The following TMTC2 variants were observed in gnomAD, a reference collection of about 807,000 sequenced individuals.
TMTC2 encodes the protein transmembrane O-mannosyltransferase targeting cadherins 2, also known as protein O-mannosyl-transferase TMTC2.
TMTC2 carries 43 observed loss-of-function variants against 82.4 expected under a neutral mutation model. That is an observed-to-expected ratio of 0.52 (90% confidence interval 0.41 to 0.67). The LOEUF is 0.67. Among genes scored for constraint, TMTC2 ranks in the 30% least tolerant of loss-of-function variants. The pLI is 0.00. For synonymous variants in TMTC2, 408 were observed against 381.9 expected (o/e 1.07, Z -0.80); for missense variants, 919 against 1,012.4 (o/e 0.91, Z 1.25).
intron 2 of TMTC2, among the ~76,000 whole-genome samples, chr12:82,883,432 T>G (rs928244324): frequency 7.9e-5 from 12 of 152,218 alleles, no homozygotes; most frequent in Admixed American, 3.9e-4. Context: ...GTGTCTTTTG[T>G]GTTTTCATAG....
At chr12:82,995,141 T>C (rs1879559708) in intron 8 of TMTC2, among the ~76,000 whole-genome samples, 1 of 152,186 alleles carries the variant, frequency 6.6e-6, no homozygotes, top group South Asian at 2.1e-4. Context: ...TTTTTTCTAA[T>C]AATATATCAA....
intron 2 of TMTC2, among the ~76,000 whole-genome samples, chr12:82,873,596 C>T (rs1488184127): frequency 1.3e-5 from 2 of 152,114 alleles, no homozygotes; most frequent in Non-Finnish European, 2.9e-5. Context: ...CCCTTGATTT[C>T]TGAGTAACAG....
At chr12:82,720,053 A>G (rs977714694) in intron 1 of TMTC2, among the ~76,000 whole-genome samples, 25 of 152,062 alleles carry the variant, frequency 1.6e-4, no homozygotes, top group African/African-American at 6.0e-4. Flanking sequence ...TCTTGGGAGG[A>G]GGAACAGGTT....
At chr12:82,816,892 A>C (rs7314083) in intron 1 of TMTC2, among the ~76,000 whole-genome samples, 2 of 152,180 alleles carry the variant, frequency 1.3e-5, no homozygotes, top group Non-Finnish European at 2.9e-5. Flanking sequence ...TTTAGGCTGA[A>C]TTGGTGAAAG....
At chr12:82,751,322 G>A (rs1258446407) in intron 1 of TMTC2, among the ~76,000 whole-genome samples, 3 of 151,484 alleles carry the variant, frequency 2.0e-5, no homozygotes, top group Non-Finnish European at 4.4e-5. Context: ...TCACTCATAG[G>A]TGGGAATTGA....
intron 7 of TMTC2, among the ~76,000 whole-genome samples, chr12:82,974,069 C>A (rs1204743766): frequency 1.3e-5 from 2 of 151,960 alleles, no homozygotes; most frequent in Non-Finnish European, 2.9e-5. Flanking sequence ...GTGTTCTGTT[C>A]AAAAAAATCT....
At chr12:82,735,564 C>G (rs1212693643) in intron 1 of TMTC2, among the ~76,000 whole-genome samples, 1 of 151,876 alleles carries the variant, frequency 6.6e-6, no homozygotes, top group Non-Finnish European at 1.5e-5. Flanking sequence ...CCAGGATGGT[C>G]TCGATCTCCT....
intron 1 of TMTC2, among the ~76,000 whole-genome samples, chr12:82,730,554 ACTG>A (rs1473541878): frequency 6.6e-6 from 1 of 152,224 alleles, no homozygotes; most frequent in African/African-American, 2.4e-5. Flanking sequence ...CTTTGTGACT[ACTG>A]AGCATTCTCT....
intron 8 of TMTC2, among the ~76,000 whole-genome samples, chr12:83,020,445 G>A (rs1364179888): frequency 6.6e-6 from 1 of 152,102 alleles, no homozygotes; most frequent in Non-Finnish European, 1.5e-5. Flanking sequence ...TATTTAAAAT[G>A]ATTTGCATAA....
intron 4 of TMTC2, among the ~76,000 whole-genome samples, chr12:82,930,941 C>G (rs1184229302): frequency 6.6e-6 from 1 of 152,106 alleles, no homozygotes; most frequent in South Asian, 2.1e-4. Flanking sequence ...CAGTATCTCA[C>G]TCTGCGGCCT....
intron 1 of TMTC2, among the ~76,000 whole-genome samples, chr12:82,735,807 A>G (rs1191939685): frequency 6.6e-6 from 1 of 151,966 alleles, no homozygotes; most frequent in Non-Finnish European, 1.5e-5. Flanking sequence ...TCTATTAAAA[A>G]TACAAAAAGT....
At chr12:83,023,696 T>C (rs892540) in intron 8 of TMTC2, among the ~76,000 whole-genome samples, 106,379 of 152,142 alleles carry the variant, frequency 0.7, 37,246 homozygotes, top group East Asian at 0.85. Context: ...TACCATGGAA[T>C]CATTCCTCCC....
intron 1 of TMTC2, among the ~76,000 whole-genome samples, chr12:82,699,477 T>C (rs1271802288): frequency 1.3e-5 from 2 of 152,184 alleles, no homozygotes; most frequent in African/African-American, 4.8e-5. Flanking sequence ...TACTGGGTAC[T>C]CATGGTCTCT....
chr12:83,032,248 G>C (rs1208961132), intron 9 of TMTC2, among the ~76,000 whole-genome samples: 1 of 129,322 alleles, frequency 7.7e-6, no homozygotes, highest in South Asian at 2.3e-4. Context: ...TAATATTATA[G>C]AGAATATTTT....
chr12:83,119,657 C>T (rs1481978865), intron 11 of TMTC2, among the ~76,000 whole-genome samples: 2 of 152,116 alleles, frequency 1.3e-5, no homozygotes, highest in African/African-American at 2.4e-5. Flanking sequence ...CTGTTAAGTC[C>T]ATTTCTTCCA....
At chr12:82,895,369 A>T (rs1180019799) in intron 2 of TMTC2, among the ~76,000 whole-genome samples, 2 of 152,146 alleles carry the variant, frequency 1.3e-5, no homozygotes, top group Non-Finnish European at 2.9e-5. Context: ...TTTTGACATG[A>T]CTACTTTTTG....
At chr12:82,754,732 A>T (rs1260903484) in intron 1 of TMTC2, among the ~76,000 whole-genome samples, 1 of 109,816 alleles carries the variant, frequency 9.1e-6, no homozygotes, top group Non-Finnish European at 2.0e-5. Flanking sequence ...GCAAGACTTC[A>T]TCTCAAAAAA....
rs569179348 is a variant in TMTC2, at chr12:82,726,682, C to A, written c.83+39013C>A. ...GATCACAAGGTCAAGAGATAGAGAC[C>A]ATCCTGGCTAACACGGTGAAACCCT... On this transcript the variant is annotated intron_variant, in intron 1 of 11. Transcript: ENST00000321196. Among the ~76,000 whole-genome samples the A allele has an allele frequency of 2.0e-5, 3 of 152,030 alleles. No homozygotes were observed. The South Asian group carries it at 6.2e-4, about 32-fold the overall frequency.
intron 1 of TMTC2, among the ~76,000 whole-genome samples, chr12:82,842,678 C>A (rs1178516761): frequency 1.3e-5 from 2 of 152,118 alleles, no homozygotes; most frequent in South Asian, 2.1e-4. Context: ...TCTCACAGTT[C>A]TAGACTTTAG....
Sources: gnomAD v4.1 joint callset for allele counts (sites outside exome capture counted in the v4.1 genomes callset) on GRCh38, gnomAD v4.1.1 for gene constraint, MANE v1.5 for transcripts, NCBI Gene and HGNC (gene_info 2026-07-23, HGNC 2026-07-21) for gene names.